Variants in CPT1A observed in about 807,000 individuals in gnomAD.
CPT1A encodes the protein carnitine palmitoyltransferase 1A, also known as carnitine O-palmitoyltransferase 1, liver isoform.
A neutral mutation model predicts 100.8 loss-of-function variants in CPT1A; 64 were observed. The observed-to-expected ratio is 0.63, with a 90% CI of 0.52 to 0.78. The LOEUF is 0.78. CPT1A is among the 30% of genes least tolerant of loss of function. The probability of loss-of-function intolerance (pLI) is 0.00; values close to 1 mark genes in which losing one functional copy is unlikely to be tolerated. For synonymous variants in CPT1A, 363 were observed against 396.0 expected, an observed-to-expected ratio of 0.92 and a Z score of 0.99; for missense variants, 802 against 1,034.1, an observed-to-expected ratio of 0.78 and a Z score of 3.08.
intron 12 of CPT1A, among the ~76,000 whole-genome samples, chr11:68,776,744 C>T (rs1014241323): frequency 3.9e-5 from 6 of 152,056 alleles, no homozygotes; most frequent in African/African-American, 9.7e-5. Flanking sequence ...GTGGGTGTGG[C>T]GATGCACGCC....
At chr11:68,764,266 G>A (rs541744065) in intron 14 of CPT1A, among the ~76,000 whole-genome samples, 4 of 152,326 alleles carry the variant, frequency 2.6e-5, no homozygotes, top group East Asian at 1.9e-4. Flanking sequence ...AAGTGGGGAC[G>A]AGAAGGTGAT....
chr11:68,775,318 C>A lies in CPT1A; in HGVS notation c.1573G>T (p.Glu525Ter), dbSNP rs1427012032. Reference protein sequence around the residue: ...PTRLQWDIPGECQEVIETSLN... With the variant: ...PTRLQWDIPG ...ATGGTTGGATAATCCGGACTTACTT[C>A]CCCCGGGATGTCCCACTGCAGCCTG... Residue 525 changes from glutamate to a stop codon, truncating the protein, a stop_gained and splice_region_variant, in exon 13 of 19, where the codon GAA becomes TAA. Transcript: ENST00000265641. LOFTEE classifies it high-confidence loss of function. 1.2e-6 allele frequency: 2 copies of A among 1,609,120 alleles called. No individual in the cohort carries two copies. Among genetic ancestry groups the A allele is most frequent in the African/African-American group, 2.7e-5 (2 of 74,826 alleles).
chr11:68,839,551 C>G (rs1857109998), intron 1 of CPT1A: 2 of 985,374 alleles, frequency 2.0e-6, no homozygotes, highest in African/African-American at 3.5e-5. Context: ...ATGCAACGCA[C>G]CTCTCCGTGG....
chr11:68,794,575 T>C (rs1855706195), intron 8 of CPT1A, among the ~76,000 whole-genome samples: 2 of 152,232 alleles, frequency 1.3e-5, no homozygotes. Flanking sequence ...CACGCCCAGC[T>C]AATTTTTCTA....
chr11:68,790,315 C>T (rs951845373), intron 9 of CPT1A, among the ~76,000 whole-genome samples: 3 of 152,156 alleles, frequency 2.0e-5, no homozygotes, highest in Non-Finnish European at 4.4e-5. Context: ...AGGTGATCCA[C>T]CCACCTCAGC....
intron 16 of CPT1A, 80 bp downstream of exon 16, chr11:68,761,455 T>C (rs1379782557): frequency 1.3e-6 from 2 of 1,497,790 alleles, no homozygotes; most frequent in Admixed American, 3.4e-5. Flanking sequence ...GACATTAAAA[T>C]ATGTTCATGC....
chr11:68,754,757 T>G (rs369122195), downstream of CPT1A: 847 of 776,370 alleles, frequency 1.1e-3, 11 homozygotes, highest in Non-Finnish European at 1.7e-4. Flanking sequence ...ATGAACTTGG[T>G]GATGTCCATG....
At chr11:68,767,988 A>G (rs536347577) in intron 14 of CPT1A, among the ~76,000 whole-genome samples, 13 of 150,414 alleles carry the variant, frequency 8.6e-5, no homozygotes, top group East Asian at 2.0e-4. Context: ...CCTGTCTCCC[A>G]GGCACGCATC....
intron 16 of CPT1A, 33 bp from the exon 17 acceptor site, chr11:68,760,371 C>T (rs769049785): frequency 4.6e-6 from 7 of 1,537,804 alleles, no homozygotes; most frequent in Non-Finnish European, 5.3e-6. Flanking sequence ...GTTTCCTAAT[C>T]CCCTCCTCTA....
chr11:68,813,399 G>A (rs1342182093), intron 2 of CPT1A, among the ~76,000 whole-genome samples: 10 of 151,892 alleles, frequency 6.6e-5, no homozygotes, highest in Non-Finnish European at 1.3e-4. Flanking sequence ...AGGTGTGGTG[G>A]TGGGCGCCTA....
intron 1 of CPT1A, among the ~76,000 whole-genome samples, chr11:68,838,579 A>AAAAAAAAAAC (rs1857075941): frequency 1.4e-5 from 2 of 144,450 alleles, no homozygotes; most frequent in South Asian, 2.3e-4. Context: ...TTTTAAAAAA[A>AAAAAAAAAAC]AAAAAAAAAA....
chr11:68,763,442 T>G (rs1383912369), intron 14 of CPT1A, among the ~76,000 whole-genome samples: 1 of 152,046 alleles, frequency 6.6e-6, no homozygotes, highest in East Asian at 1.9e-4. Flanking sequence ...CACAACGTAT[T>G]GCCTGGAGCA....
intron 14 of CPT1A, among the ~76,000 whole-genome samples, chr11:68,768,843 G>C (rs1854901796): frequency 6.6e-6 from 1 of 152,106 alleles, no homozygotes; most frequent in South Asian, 2.1e-4. Flanking sequence ...GCTGCTCCCA[G>C]TCCTGCCATG....
chr11:68,786,791 A>G (rs920004992), intron 9 of CPT1A, among the ~76,000 whole-genome samples: 6 of 152,138 alleles, frequency 3.9e-5, no homozygotes, highest in Non-Finnish European at 8.8e-5. Flanking sequence ...GGCCTCCCAA[A>G]GTGCTGGGAT....
At chr11:68,791,251 G>A (rs1015168661) in intron 9 of CPT1A, among the ~76,000 whole-genome samples, 2 of 152,192 alleles carry the variant, frequency 1.3e-5, no homozygotes, top group Non-Finnish European at 2.9e-5. Flanking sequence ...GACAGCAGGT[G>A]ACAGCCTCCC....
Position 68,773,729 on chromosome 11 carries a change from T to C in CPT1A, c.1576-300A>G. On this transcript the variant is annotated intron_variant, in intron 13 of 18. Transcript: ENST00000265641. ...CAGTGATGGTCAGGTGGTTGTGAAC[T>C]GTCTCTCTAAAATAATAATAGGTCA... is the stretch of plus-strand genomic sequence containing the variant. The C allele has an allele frequency of 7.8e-6, 3 of 386,234 alleles. 1 individual carries two copies. Among genetic ancestry groups the C allele is most frequent in the Admixed American group, 7.4e-5 (2 of 27,110 alleles). 23.9% of individuals were successfully genotyped at this position (386,234 alleles called of 1,614,324 possible). A position where few individuals can be genotyped will look rare whatever the true frequency, so the allele number is the denominator to read the frequency against.
chr11:68,769,708 C>A (rs912278663), intron 14 of CPT1A, among the ~76,000 whole-genome samples: 3 of 152,234 alleles, frequency 2.0e-5, no homozygotes, highest in African/African-American at 4.8e-5. Context: ...ACTGGGCAAG[C>A]TCCTCTCCTG....
At chr11:68,786,780 C>T (rs879499738) in intron 9 of CPT1A, among the ~76,000 whole-genome samples, 5 of 152,162 alleles carry the variant, frequency 3.3e-5, no homozygotes, top group African/African-American at 7.2e-5. Context: ...CCACCCGCCT[C>T]GGCCTCCCAA....
intron 1 of CPT1A, among the ~76,000 whole-genome samples, chr11:68,817,169 GGTGT>G (rs1357316619): frequency 7.0e-6 from 1 of 142,318 alleles, no homozygotes; most frequent in African/African-American, 2.8e-5. Flanking sequence ...GTGTGTGTGT[GGTGT>G]GTGTGTGTGG....
Sources: allele counts gnomAD v4.1 joint callset (sites outside exome capture counted in the v4.1 genomes callset), GRCh38; gene constraint gnomAD v4.1.1; transcripts MANE v1.5; gene names NCBI Gene and HGNC (gene_info 2026-07-23, HGNC 2026-07-21).